Variants in SLC35F4 observed in about 807,000 individuals in gnomAD.
SLC35F4 encodes the protein solute carrier family 35 member F4, also known as chromosome 14 open reading frame 36.
In SLC35F4, 24 loss-of-function variants were observed where a neutral mutation model predicts 44.2. The observed-to-expected ratio is 0.54, with a 90% CI of 0.39 to 0.76. The LOEUF (loss-of-function observed/expected upper bound fraction) is 0.76, where lower values mean the gene tolerates loss of function less well. Among genes scored for constraint, SLC35F4 ranks in the 30% least tolerant of loss-of-function variants. The pLI is 0.00. For synonymous variants in SLC35F4, 238 were observed against 223.6 expected, an observed-to-expected ratio of 1.06 and a Z score of -0.57; for missense variants, 562 against 586.1, an observed-to-expected ratio of 0.96 and a Z score of 0.42.
chr14:57,587,870 C>CAAAAAAA (rs60521934), intron 3 of SLC35F4, among the ~76,000 whole-genome samples: 1 of 125,004 alleles, frequency 8.0e-6, no homozygotes, highest in Non-Finnish European at 1.6e-5. Flanking sequence ...ATGCACCTTC[C>CAAAAAAA]AAAAAAAAAA....
At chr14:57,637,468 G>T (rs968116865) in intron 1 of SLC35F4, among the ~76,000 whole-genome samples, 1 of 152,088 alleles carries the variant, frequency 6.6e-6, no homozygotes, top group Non-Finnish European at 1.5e-5. Flanking sequence ...TGGCCCTGTG[G>T]TGGCGAAGGG....
intron 1 of SLC35F4, among the ~76,000 whole-genome samples, chr14:57,754,265 G>A (rs577147272): frequency 6.6e-6 from 1 of 152,002 alleles, no homozygotes; most frequent in Non-Finnish European, 1.5e-5. Flanking sequence ...ACCAGGCCTA[G>A]CTGATTTTTT....
intron 1 of SLC35F4, among the ~76,000 whole-genome samples, chr14:57,750,306 G>A (rs1018982650): frequency 6.6e-6 from 1 of 152,068 alleles, no homozygotes; most frequent in African/African-American, 2.4e-5. Flanking sequence ...TGGATGCTTA[G>A]GTTGATTCCA....
rs148535625 is a variant in SLC35F4 at position 57,581,449 on chromosome 14, G to T, written c.588-16C>A. 43,687 of 1,592,856 alleles carry T rather than the reference G, an allele frequency of 0.027. 778 individuals are homozygous for T. Among genetic ancestry groups the T allele is most frequent in the South Asian group, 0.054 (4,730 of 87,756 alleles). On this transcript the variant is annotated splice_polypyrimidine_tract_variant and intron_variant, in intron 3 of 7. Coordinates refer to ENST00000556826, the MANE Select transcript of SLC35F4 (RefSeq NM_001306087.2). ...ACTGCATTCCCTAGGAAAGAAAAGA[G>T]AAGTTAATATCCAGGTACTGATGGT...
intron 1 of SLC35F4, among the ~76,000 whole-genome samples, chr14:57,696,358 C>G (rs2075383884): frequency 6.6e-6 from 1 of 152,144 alleles, no homozygotes; most frequent in Non-Finnish European, 1.5e-5. Flanking sequence ...AAATCTAAAC[C>G]ACAATGAGAT....
intron 1 of SLC35F4, among the ~76,000 whole-genome samples, chr14:57,718,198 G>A (rs1279876520): frequency 1.3e-5 from 2 of 152,180 alleles, no homozygotes; most frequent in African/African-American, 4.8e-5. Flanking sequence ...TAGCTCAATA[G>A]TACTCTATTG....
chr14:57,856,092 C>T (rs931291549), intron 1 of SLC35F4, among the ~76,000 whole-genome samples: 5 of 151,884 alleles, frequency 3.3e-5, no homozygotes, highest in African/African-American at 4.9e-5. Flanking sequence ...CTGTAACCTC[C>T]GCCTCCCAGG....
intron 1 of SLC35F4, among the ~76,000 whole-genome samples, chr14:57,602,734 G>A (rs1355823436): frequency 6.6e-6 from 1 of 152,122 alleles, no homozygotes; most frequent in Non-Finnish European, 1.5e-5. Flanking sequence ...TACTTGTCAA[G>A]CACCTGTTCT....
At chr14:57,623,345 T>A (rs2072300178) in intron 1 of SLC35F4, among the ~76,000 whole-genome samples, 1 of 152,080 alleles carries the variant, frequency 6.6e-6, no homozygotes, top group South Asian at 2.1e-4. Context: ...AGACTTAGAC[T>A]CCCACACAAT....
At chr14:57,710,231 G>A (rs2140398689) in intron 1 of SLC35F4, among the ~76,000 whole-genome samples, 1 of 152,360 alleles carries the variant, frequency 6.6e-6, no homozygotes, top group South Asian at 2.1e-4. Flanking sequence ...GCTTCAGAGG[G>A]TGCAAGCCCT....
intron 1 of SLC35F4, among the ~76,000 whole-genome samples, chr14:57,691,043 C>A (rs571288323): frequency 7.8e-4 from 118 of 152,212 alleles, no homozygotes; most frequent in African/African-American, 2.6e-3. Context: ...GACCCTTGCC[C>A]TAGACTGTGA....
intron 1 of SLC35F4, among the ~76,000 whole-genome samples, chr14:57,729,283 T>C (rs2076288847): frequency 6.6e-6 from 1 of 152,046 alleles, no homozygotes; most frequent in South Asian, 2.1e-4. Context: ...TTTACTTTAC[T>C]CTCTGCTTTT....
chr14:57,815,372 C>T (rs551315217), intron 1 of SLC35F4, among the ~76,000 whole-genome samples: 7 of 152,094 alleles, frequency 4.6e-5, no homozygotes, highest in African/African-American at 1.4e-4. Flanking sequence ...GTTGGTCATA[C>T]GGGAAGTAGA....
intron 1 of SLC35F4, among the ~76,000 whole-genome samples, chr14:57,815,733 C>A (rs1032054555): frequency 6.6e-6 from 1 of 152,088 alleles, no homozygotes; most frequent in African/African-American, 2.4e-5. Flanking sequence ...CCCAAAACTC[C>A]CCCTAAATAG....
chr14:57,915,998 T>C (rs1889321844), intron 1 of SLC35F4, among the ~76,000 whole-genome samples: 1 of 152,220 alleles, frequency 6.6e-6, no homozygotes, highest in Non-Finnish European at 1.5e-5. Context: ...TTGTTATCAA[T>C]TGTTTTAGTT....
chr14:57,937,697 T>C (rs1488781901), intron 1 of SLC35F4, among the ~76,000 whole-genome samples: 1 of 151,890 alleles, frequency 6.6e-6, no homozygotes, highest in African/African-American at 2.4e-5. Context: ...GATCTGGCTA[T>C]TTCTCAGAAA....
At chr14:57,732,197 A>G (rs543398700) in intron 1 of SLC35F4, among the ~76,000 whole-genome samples, 50 of 152,326 alleles carry the variant, frequency 3.3e-4, no homozygotes, top group Non-Finnish European at 6.0e-4. Flanking sequence ...AAAATAACAG[A>G]GTGAACAAAA....
chr14:57,890,389 A>G (rs1321388896), intron 1 of SLC35F4, among the ~76,000 whole-genome samples: 1 of 152,210 alleles, frequency 6.6e-6, no homozygotes. Context: ...TTTATACAAC[A>G]TAGTTTTTAC....
intron 1 of SLC35F4, among the ~76,000 whole-genome samples, chr14:57,657,568 G>C (rs2140224844): frequency 6.6e-6 from 1 of 152,238 alleles, no homozygotes; most frequent in East Asian, 1.9e-4. Context: ...CTAGGATCCT[G>C]TGCCGGCCCT....
Sources: allele counts gnomAD v4.1 joint callset (sites outside exome capture counted in the v4.1 genomes callset), GRCh38; gene constraint gnomAD v4.1.1; transcripts MANE v1.5; gene names NCBI Gene and HGNC (gene_info 2026-07-23, HGNC 2026-07-21).